The following SLC10A7 variants were observed in gnomAD, a reference collection of about 807,000 sequenced individuals.
SLC10A7 encodes solute carrier family 10 member 7.
Under a neutral mutation model 43.2 loss-of-function variants are expected in SLC10A7, and 29 were observed. The ratio of observed to expected loss-of-function variants is 0.67; its 90% CI spans 0.50 to 0.92. The LOEUF is 0.92. SLC10A7 is among the 40% of genes least tolerant of loss of function. The pLI is 0.00. For synonymous variants in SLC10A7, 152 were observed against 144.8 expected, an observed-to-expected ratio of 1.05 and a Z score of -0.35; for missense variants, 295 against 403.2, an observed-to-expected ratio of 0.73 and a Z score of 2.30.
chr4:146,405,005 A>G (rs1431511013), intron 5 of SLC10A7, among the ~76,000 whole-genome samples: 1 of 152,204 alleles, frequency 6.6e-6, no homozygotes, highest in Non-Finnish European at 1.5e-5. Flanking sequence ...CCTGGAGAAC[A>G]TGATAAAAAA....
chr4:146,336,538 C>T (rs967101266), intron 5 of SLC10A7, among the ~76,000 whole-genome samples: 2 of 152,038 alleles, frequency 1.3e-5, no homozygotes, highest in African/African-American at 2.4e-5. Context: ...TGATTCTGCT[C>T]CTTCCCTTTA....
At chr4:146,344,043 T>C (rs1734445445) in intron 5 of SLC10A7, among the ~76,000 whole-genome samples, 1 of 152,038 alleles carries the variant, frequency 6.6e-6, no homozygotes, top group Admixed American at 6.6e-5. Flanking sequence ...GATAAAATCA[T>C]GTCATTTCTG....
intron 5 of SLC10A7, among the ~76,000 whole-genome samples, chr4:146,355,912 A>C (rs1578976669): frequency 8.9e-6 from 1 of 112,188 alleles, no homozygotes; most frequent in East Asian, 3.1e-4. Flanking sequence ...GGGGGGAGGG[A>C]TAGCACTGGG....
Position 146,503,932 on chromosome 4 carries a change from A to G in SLC10A7, c.321-8T>C, listed in dbSNP as rs368928332. 2.5e-5 allele frequency: 41 copies of G among 1,612,258 alleles called. No individual in the cohort carries two copies. Among genetic ancestry groups the G allele is most frequent in the African/African-American group, 4.0e-5 (3 of 74,898 alleles). ...CAACCTACTGTCTGCAAACTGAAAA[A>G]TAAAAGAAAATCCAACTATAAATAA... On this transcript the variant is annotated splice_polypyrimidine_tract_variant and splice_region_variant and intron_variant, in intron 3 of 11. Coordinates refer to ENST00000335472, the MANE Select transcript of SLC10A7 (RefSeq NM_001029998.6).
chr4:146,280,731 T>C (rs980475248), intron 10 of SLC10A7, among the ~76,000 whole-genome samples: 1 of 152,086 alleles, frequency 6.6e-6, no homozygotes, highest in African/African-American at 2.4e-5. Context: ...CCTTGCTGTA[T>C]GGGGGAAATA....
At chr4:146,480,654 C>A (rs1383592844) in intron 4 of SLC10A7, among the ~76,000 whole-genome samples, 3 of 151,786 alleles carry the variant, frequency 2.0e-5, no homozygotes, top group Admixed American at 1.3e-4. Flanking sequence ...ATCTTAAAAG[C>A]AATAATTTAG....
chr4:146,519,066 CATATATAT>C (rs869090267), intron 1 of SLC10A7, among the ~76,000 whole-genome samples: 284 of 5,880 alleles, frequency 0.048, 2 homozygotes, highest in Non-Finnish European at 0.052. Context: ...GAAAAATCAC[CATATATAT>C]ATATATATAT....
At chr4:146,438,563 G>C (rs1209853205) in intron 5 of SLC10A7, among the ~76,000 whole-genome samples, 1 of 151,980 alleles carries the variant, frequency 6.6e-6, no homozygotes, top group Non-Finnish European at 1.5e-5. Flanking sequence ...ACCCAGTTTG[G>C]CATGATCAGC....
At chr4:146,348,191 C>T (rs1734760529) in intron 5 of SLC10A7, among the ~76,000 whole-genome samples, 1 of 152,088 alleles carries the variant, frequency 6.6e-6, no homozygotes, top group African/African-American at 2.4e-5. Flanking sequence ...TCTGTAATTA[C>T]CAAACCTCGT....
intron 5 of SLC10A7, chr4:146,442,384 G>A: frequency 9.9e-7 from 1 of 1,005,052 alleles, no homozygotes; most frequent in Non-Finnish European, 1.2e-6. Flanking sequence ...TAAATGGCAT[G>A]TCAACAAGTA....
At chr4:146,355,659 A>G (rs189161619) in intron 5 of SLC10A7, among the ~76,000 whole-genome samples, 50 of 152,080 alleles carry the variant, frequency 3.3e-4, no homozygotes, top group African/African-American at 1.2e-3. Flanking sequence ...ACAATGATAG[A>G]CTGGATTAAG....
rs190056934 is a variant in SLC10A7, at chr4:146,391,188, A to G, written c.435+51595T>C. On this transcript the variant is annotated intron_variant, in intron 5 of 11. Coordinates refer to ENST00000335472, the MANE Select transcript of SLC10A7 (RefSeq NM_001029998.6). The stretch of plus-strand genomic sequence containing the variant: ...AACTCTTGCCCTTAATAAAACAATC[A>G]GCAATTTTCTTTAATTTGTTCATCT... Among the ~76,000 whole-genome samples, 21 of 152,366 alleles carry G rather than the reference A, an allele frequency of 1.4e-4. No individual in the cohort carries two copies. In the East Asian group the frequency reaches 3.9e-3, roughly 28 times the overall value.
intron 4 of SLC10A7, among the ~76,000 whole-genome samples, chr4:146,471,404 C>T (rs1488091541): frequency 6.6e-6 from 1 of 152,154 alleles, no homozygotes; most frequent in Non-Finnish European, 1.5e-5. Context: ...TATTATAAAA[C>T]TAACTTTAGA....
At chr4:146,284,559 T>A (rs916409650) in intron 9 of SLC10A7, among the ~76,000 whole-genome samples, 9 of 152,274 alleles carry the variant, frequency 5.9e-5, no homozygotes, top group African/African-American at 1.9e-4. Flanking sequence ...GGCATGCATG[T>A]TTCTGCTTCC....
chr4:146,365,824 G>A (rs538981098), intron 5 of SLC10A7, among the ~76,000 whole-genome samples: 3 of 152,294 alleles, frequency 2.0e-5, no homozygotes, highest in East Asian at 1.9e-4. Flanking sequence ...TCTTCAGCAG[G>A]GGTCCCCAAG....
intron 4 of SLC10A7, among the ~76,000 whole-genome samples, chr4:146,457,031 A>G (rs1375583915): frequency 6.6e-6 from 1 of 151,976 alleles, no homozygotes; most frequent in Non-Finnish European, 1.5e-5. Context: ...GGCTCTGTGG[A>G]CCATATGGTC....
At chr4:146,305,678 C>T (rs1203513462) in intron 7 of SLC10A7, among the ~76,000 whole-genome samples, 1 of 152,046 alleles carries the variant, frequency 6.6e-6, no homozygotes, top group East Asian at 1.9e-4. Context: ...AATCAAGACT[C>T]TGTGTAGAAG....
At chr4:146,290,102 A>T (rs1730323731) in intron 9 of SLC10A7, among the ~76,000 whole-genome samples, 1 of 150,584 alleles carries the variant, frequency 6.6e-6, no homozygotes, top group African/African-American at 2.4e-5. Context: ...AGGTGGGCGG[A>T]TCACAAGGTC....
chr4:146,350,403 TG>T (rs750205344), intron 5 of SLC10A7, among the ~76,000 whole-genome samples: 68,324 of 141,090 alleles, frequency 0.48, 17,202 homozygotes, highest in East Asian at 0.63. Context: ...TCTCGCTGAT[TG>T]CTAGCACAGC....
Sources: allele counts gnomAD v4.1 joint callset (sites outside exome capture counted in the v4.1 genomes callset), GRCh38; gene constraint gnomAD v4.1.1; transcripts MANE v1.5; gene names NCBI Gene and HGNC (gene_info 2026-07-23, HGNC 2026-07-21).